ARID5A: variants seen among roughly 807,000 people sequenced by gnomAD.
ARID5A encodes AT-rich interactive domain-containing protein 5A.
In ARID5A, 14 loss-of-function variants were observed where a neutral mutation model predicts 30.5. The observed-to-expected ratio is 0.46, with a 90% CI of 0.30 to 0.72. The LOEUF (loss-of-function observed/expected upper bound fraction) is 0.72. Ranked by LOEUF, ARID5A falls within the 30% of genes least tolerant of loss-of-function variation. The pLI is 0.07. For synonymous variants in ARID5A, 338 were observed against 340.4 expected (o/e 0.99, Z 0.08); for missense variants, 669 against 786.2 (o/e 0.85, Z 1.78).
chr2:96,550,770 G>A lies in ARID5A; in HGVS notation c.570+37G>A. On this transcript the variant is annotated intron_variant, in intron 6 of 6. Transcript: ENST00000357485. The surrounding 1 kb of genome is among the most constrained non-coding windows in gnomAD (Gnocchi z 6.6). ...GCTGGCTGGGGCCACCCTGTCCCTTGCCTCTTGTAGCCCCCTACCCCACAA... is the reference window on the plus strand; with the variant it reads ...GCTGGCTGGGGCCACCCTGTCCCTTACCTCTTGTAGCCCCCTACCCCACAA... The A allele has an allele frequency of 2.0e-6, 3 of 1,509,636 alleles. No individual in the cohort carries two copies. The highest frequency in any genetic ancestry group is 2.7e-6 in the Non-Finnish European group (3 of 1,126,460). 93.5% of individuals were successfully genotyped at this position (1,509,636 alleles called of 1,614,324 possible).
In ARID5A at chr2:96,550,228, T is replaced by TG; in HGVS notation, c.359dup (p.Ser121GlnfsTer31). The TG allele has an allele frequency of 6.5e-7, 1 of 1,532,262 alleles. No homozygotes were observed. Among genetic ancestry groups the TG allele is most frequent in the Admixed American group, 2.0e-5 (1 of 49,258 alleles). 94.9% of individuals were successfully genotyped at this position (1,532,262 alleles called of 1,614,324 possible). On this transcript the variant is annotated frameshift_variant, in exon 5 of 7. Coordinates refer to ENST00000357485, the MANE Select transcript of ARID5A (RefSeq NM_212481.3). LOFTEE classifies it high-confidence loss of function. The surrounding 1 kb of genome is among the most constrained non-coding windows in gnomAD (Gnocchi z 6.6). ...CTCTGGAAGAACGTGTACGACGAGC[T>TG]GGGGGGCAGCCCAGGCAGCACCAGC... is the stretch of plus-strand genomic sequence containing the variant.
At position 96,549,264 on chromosome 2, in the gene ARID5A, C is replaced by G; in HGVS notation, c.121-57C>G. 6.3e-7 allele frequency: 1 copy of G among 1,587,506 alleles called. No individual in the cohort carries two copies. Among genetic ancestry groups the G allele is most frequent in the African/African-American group, 1.4e-5 (1 of 74,058 alleles). ...CCTGCAGCCAGTGGTTTCTGCACAT[C>G]CCCAGCAGCCAGCCACCAACTGGGG... On this transcript the variant is annotated intron_variant, in intron 2 of 6. Coordinates refer to ENST00000357485, the MANE Select transcript of ARID5A (RefSeq NM_212481.3). The surrounding 1 kb of genome is among the most constrained non-coding windows in gnomAD (Gnocchi z 6.1).
chr2:96,544,322 A>T (rs1336102458), intron 1 of ARID5A, among the ~76,000 whole-genome samples: 1 of 152,248 alleles, frequency 6.6e-6, no homozygotes, highest in African/African-American at 2.4e-5. Flanking sequence ...TATCAGAAGA[A>T]GATGTCATCT....
chr2:96,545,969 G>A (rs1208073169), intron 1 of ARID5A, among the ~76,000 whole-genome samples: 2 of 151,480 alleles, frequency 1.3e-5, no homozygotes, highest in Non-Finnish European at 2.9e-5. Flanking sequence ...AAAAAAAAGA[G>A]TTAATGGATG....
chr2:96,552,530 T>A lies in ARID5A; in HGVS notation c.*217T>A, dbSNP rs749119698. The stretch of plus-strand genomic sequence containing the variant: ...CCAGGAGCAGAGGACCCAGTTGTTA[T>A]AAGGCGCTGGGAGAGGATGGGCAGC... On this transcript the variant is annotated 3_prime_UTR_variant, in exon 7 of 7. Transcript: ENST00000357485. 6.5e-7 allele frequency: 1 copy of A among 1,531,646 alleles called. No individual in the cohort carries two copies. Among genetic ancestry groups the A allele is most frequent in the Non-Finnish European group, 8.7e-7 (1 of 1,144,474 alleles). 94.9% of individuals were successfully genotyped at this position (1,531,646 alleles called of 1,614,324 possible). A position where few individuals can be genotyped will look rare whatever the true frequency, so the allele number is the denominator to read the frequency against.
At chr2:96,546,505 A>G (rs748343540) in intron 1 of ARID5A, among the ~76,000 whole-genome samples, 2 of 152,192 alleles carry the variant, frequency 1.3e-5, no homozygotes, top group Non-Finnish European at 2.9e-5. Context: ...GGTTGTTGTG[A>G]GCCTTGCTCA....
intron 1 of ARID5A, among the ~76,000 whole-genome samples, chr2:96,546,067 A>G (rs532758685): frequency 6.5e-4 from 99 of 152,196 alleles, no homozygotes; most frequent in Admixed American, 9.8e-4. Flanking sequence ...GTCAGCAGCC[A>G]TCAACATGGA....
chr2:96,537,761 G>A lies in ARID5A; in HGVS notation c.4+931G>A. ...TCCGCGGTGTCTAGGGGTCGCCCGG[G>A]CTGGGGTCGCGTCACCCTCCGCCCA... On this transcript the variant is annotated intron_variant, in intron 1 of 6. Coordinates refer to ENST00000357485, the MANE Select transcript of ARID5A (RefSeq NM_212481.3). This position sits in a 1 kb window ranked among gnomAD's most constrained non-coding sequence, Gnocchi z 4.8. 3 of 712,644 alleles carry A rather than the reference G, an allele frequency of 4.2e-6. No individual in the cohort carries two copies. The highest frequency in any genetic ancestry group is 5.2e-6 in the Non-Finnish European group (3 of 580,794). The allele number at this position is 712,644 out of a possible 1,614,324, so 44.1% of individuals were successfully genotyped here. A position where few individuals can be genotyped will look rare whatever the true frequency, so the allele number is the denominator to read the frequency against.
chr2:96,550,175 G>A lies in ARID5A; in HGVS notation c.313-13G>A. 1 of 1,534,526 alleles carries A rather than the reference G, an allele frequency of 6.5e-7. No individual in the cohort carries two copies. Among genetic ancestry groups the A allele is most frequent in the Non-Finnish European group, 8.8e-7 (1 of 1,142,198 alleles). The stretch of plus-strand genomic sequence containing the variant: ...GCGCCCGCCGGCCGCGCCCTCACGA[G>A]GTGCCCTTGCAGGTGACCGGGCGCC... On this transcript the variant is annotated splice_polypyrimidine_tract_variant and intron_variant, in intron 4 of 6. Transcript: ENST00000357485. The surrounding 1 kb of genome is among the most constrained non-coding windows in gnomAD (Gnocchi z 6.6).
At position 96,552,250 on chromosome 2, in the gene ARID5A, G is replaced by C. The variant is rs747218569; in HGVS notation, c.1722G>C (p.Trp574Cys). ...GACTTTGCCCGGCCTCATCTGCCTG[G>C]CACGCACCACCAGTCACAACCTATG... ...RHRLCPASSA[W>C]HAPPVTTYAA... is the part of the protein sequence containing the mutation. The change falls in exon 7 of 7, where the codon TGG (tryptophan) becomes TGC (cysteine). Residue 574 changes from tryptophan (W) to cysteine (C), a missense_variant. Physicochemically the swap from Trp to Cys is radical, Grantham distance 215 (BLOSUM62 -2). Around this residue, in one of 4 missense-constraint regions of ARID5A, gnomAD observed 548 missense variants for 577.4 expected, o/e 0.95. Coordinates refer to ENST00000357485, the MANE Select transcript of ARID5A (RefSeq NM_212481.3). 7.4e-6 allele frequency: 12 copies of C among 1,613,130 alleles called. No individual in the cohort carries two copies. Among genetic ancestry groups the C allele is most frequent in the Non-Finnish European group, 1.0e-5 (12 of 1,179,864 alleles).
chr2:96,550,386 G>A lies in ARID5A; in HGVS notation c.410+101G>A. ...GTGGACTCTGCCCGGAGCGGGCAGG[G>A]TATGCGCCGTCCTCAGAGCTGCGGG... On this transcript the variant is annotated intron_variant, in intron 5 of 6. Transcript: ENST00000357485. This position sits in a 1 kb window ranked among gnomAD's most constrained non-coding sequence, Gnocchi z 6.6. 7.0e-7 allele frequency: 1 copy of A among 1,434,258 alleles called. No individual in the cohort carries two copies. 88.8% of individuals were successfully genotyped at this position (1,434,258 alleles called of 1,614,324 possible).
At chr2:96,544,412 G>T (rs2065892650) in intron 1 of ARID5A, among the ~76,000 whole-genome samples, 1 of 152,188 alleles carries the variant, frequency 6.6e-6, no homozygotes. Context: ...TAATGCAGCT[G>T]GTACTGGTGA....
Position 96,551,112 on chromosome 2 carries a change from A to G in ARID5A, c.584A>G (p.Lys195Arg). The G allele has an allele frequency of 6.2e-7, 1 of 1,611,202 alleles. No individual in the cohort carries two copies. The highest frequency in any genetic ancestry group is 8.5e-7 in the Non-Finnish European group (1 of 1,178,564). ...ERRMDQMMPGKTKADAADPAP... is the reference protein window; with the variant it reads ...ERRMDQMMPGRTKADAADPAP... ...CTCTCATTCCAGATGATGCCAGGAA[A>G]GACCAAAGCAGATGCTGCTGACCCA... Residue 195 changes from lysine (K) to arginine (R), a missense_variant, in exon 7 of 7, where the codon AAG becomes AGG. Coordinates refer to ENST00000357485, the MANE Select transcript of ARID5A (RefSeq NM_212481.3).
chr2:96,551,698 C>T lies in ARID5A; in HGVS notation c.1170C>T (p.Gly390=), dbSNP rs146645591. Residue 390 remains glycine (G), a synonymous_variant, in exon 7 of 7, where the codon GGC becomes GGT. Coordinates refer to ENST00000357485, the MANE Select transcript of ARID5A (RefSeq NM_212481.3). ...LSVKEPQLVW[G]GDANRPSAFH... is the part of the protein sequence containing the mutation. ...TGAAAGAGCCCCAGCTGGTGTGGGG[C>T]GGAGACGCTAACCGCCCTTCTGCGT... The T allele has an allele frequency of 1.7e-4, 259 of 1,520,942 alleles. 4 individuals carry two copies. Among genetic ancestry groups the T allele is most frequent in the Admixed American group, 1.1e-3 (50 of 44,452 alleles). 94.2% of individuals were successfully genotyped at this position (1,520,942 alleles called of 1,614,324 possible).
rs1318022004 is a variant in ARID5A at position 96,552,290 on chromosome 2, T to C, written c.1762T>C (p.Phe588Leu). 2 of 1,613,050 alleles carry C rather than the reference T, an allele frequency of 1.2e-6. No homozygotes were observed. Among genetic ancestry groups the C allele is most frequent in the African/African-American group, 1.3e-5 (1 of 74,944 alleles). Residue 588 changes from phenylalanine (F) to leucine (L), a missense_variant, in exon 7 of 7, where the codon TTC becomes CTC. By Grantham distance (22) the Phe-to-Leu change is conservative. Coordinates refer to ENST00000357485, the MANE Select transcript of ARID5A (RefSeq NM_212481.3). Reference protein sequence around the residue: ...PVTTYAAPHFFHLNTKL With the variant: ...PVTTYAAPHFLHLNTKL ...CACAACCTATGCAGCGCCCCACTTCTTCCACCTCAACACCAAGCTGTAGGC... is the reference window on the plus strand; with the variant it reads ...CACAACCTATGCAGCGCCCCACTTCCTCCACCTCAACACCAAGCTGTAGGC...
Position 96,551,580 on chromosome 2 carries a change from TGCTGAA to T in ARID5A, c.1055_1060del (p.Leu352_Lys353del). On this transcript the variant is annotated inframe_deletion, in exon 7 of 7. Transcript: ENST00000357485. ...TGCTTCTACACCCACCCCACCGAGG[TGCTGAA>T]GCCTGTCAGCCAGCACCCCAGGGAC... 1 of 1,585,832 alleles carries T rather than the reference TGCTGAA, an allele frequency of 6.3e-7. No individual in the cohort carries two copies. The highest frequency in any genetic ancestry group is 1.1e-5 in the South Asian group (1 of 87,204).
In ARID5A at chr2:96,551,809, G is replaced by T. The variant is rs761191111; in HGVS notation, c.1281G>T (p.Glu427Asp). Reference protein sequence around the residue: ...WVSPMAKVPAESPTLPPTFPS... With the variant: ...WVSPMAKVPADSPTLPPTFPS... The stretch of plus-strand genomic sequence containing the variant: ...CCCCCATGGCCAAGGTCCCAGCCGA[G>T]AGCCCCACGCTCCCGCCCACCTTCC... Residue 427 changes from glutamate to aspartate, a missense_variant, in exon 7 of 7, where the codon GAG (glutamate) becomes GAT (aspartate). Around this residue, in one of 4 missense-constraint regions of ARID5A, gnomAD observed 548 missense variants for 577.4 expected, o/e 0.95. Coordinates refer to ENST00000357485, the MANE Select transcript of ARID5A (RefSeq NM_212481.3). 1 of 1,588,744 alleles carries T rather than the reference G, an allele frequency of 6.3e-7. No homozygotes were observed. The highest frequency in any genetic ancestry group is 1.1e-5 in the South Asian group (1 of 87,854).
In ARID5A at chr2:96,550,763, GTCCCTTGCCTC is replaced by G. The variant is rs1298312364; in HGVS notation, c.570+32_570+42del. 1 of 1,522,526 alleles carries G rather than the reference GTCCCTTGCCTC, an allele frequency of 6.6e-7. No individual in the cohort carries two copies. The highest frequency in any genetic ancestry group is 2.4e-5 in the East Asian group (1 of 40,910). The allele number at this position is 1,522,526 out of a possible 1,614,324, so 94.3% of individuals were successfully genotyped here. ...GCCTGCGGCTGGCTGGGGCCACCCT[GTCCCTTGCCTC>G]TTGTAGCCCCCTACCCCACAACTCC... On this transcript the variant is annotated intron_variant, in intron 6 of 6. Transcript: ENST00000357485. The surrounding 1 kb of genome is among the most constrained non-coding windows in gnomAD (Gnocchi z 6.6).
Position 96,549,299 on chromosome 2 carries a change from A to G in ARID5A, c.121-22A>G, listed in dbSNP as rs757764691. The G allele has an allele frequency of 3.7e-6, 6 of 1,604,490 alleles. No individual in the cohort carries two copies. The highest frequency in any genetic ancestry group is 5.1e-6 in the Non-Finnish European group (6 of 1,175,818). On this transcript the variant is annotated intron_variant, in intron 2 of 6. Coordinates refer to ENST00000357485, the MANE Select transcript of ARID5A (RefSeq NM_212481.3). The surrounding 1 kb of genome is among the most constrained non-coding windows in gnomAD (Gnocchi z 6.1). The stretch of plus-strand genomic sequence containing the variant: ...CAGCCACCAACTGGGGCCCATCCCA[A>G]TGCCTCCTGTTCTCTCCCCAGGACT...
Sources: allele counts gnomAD v4.1 joint callset (sites outside exome capture counted in the v4.1 genomes callset), GRCh38; gene constraint gnomAD v4.1.1; regional missense constraint gnomAD v4.1.1; non-coding constraint Gnocchi (gnomAD v3.1); transcripts MANE v1.5; gene names NCBI Gene and HGNC (gene_info 2026-07-23, HGNC 2026-07-21).